TBKBP1: variants seen among roughly 807,000 people sequenced by gnomAD.
The protein encoded by TBKBP1 is TBK1 binding protein 1, also known as TANK-binding kinase 1-binding protein 1.
TBKBP1 carries 47 observed loss-of-function variants against 69.9 expected under a neutral mutation model. The ratio of observed to expected loss-of-function variants is 0.67; its 90% CI spans 0.53 to 0.86. The LOEUF (loss-of-function observed/expected upper bound fraction) is 0.86. Ranked by LOEUF, TBKBP1 falls within the 40% of genes least tolerant of loss-of-function variation. TBKBP1 has a pLI of 0.00. For missense variants in TBKBP1, 831 were observed against 858.6 expected (o/e 0.97, Z 0.40); for synonymous variants, 418 against 390.3 (o/e 1.07, Z -0.84).
At chr17:47,706,787 A>G (rs1475468137) in intron 7 of TBKBP1, among the ~76,000 whole-genome samples, 1 of 149,428 alleles carries the variant, frequency 6.7e-6, no homozygotes, top group Non-Finnish European at 1.5e-5. Flanking sequence ...CTGAAGCCCT[A>G]ACCTCACGAC....
rs2031893745 is a variant in TBKBP1 at position 47,710,661 on chromosome 17, C to T, written c.*35C>T. On this transcript the variant is annotated 3_prime_UTR_variant, in exon 10 of 10. Transcript: ENST00000578982. ...CCCACCCACTGGCTGTTTCTCCGTC[C>T]TCTCCTATCACCCCCAAACACTCAC... 1.3e-6 allele frequency: 2 copies of T among 1,582,854 alleles called. No individual in the cohort carries two copies. Among genetic ancestry groups the T allele is most frequent in the Non-Finnish European group, 1.7e-6 (2 of 1,155,582 alleles).
At chr17:47,694,246 G>A (rs1171712276) in intron 1 of TBKBP1, 52 bp downstream of exon 1, 1 of 150,678 alleles carries the variant, frequency 6.6e-6, no homozygotes, top group Non-Finnish European at 1.5e-5. Context: ...CGCCCGGGCT[G>A]GGCCCCAGGG....
rs1318069173 is a variant in TBKBP1, at chr17:47,710,709, T to C, written c.*83T>C. ...CACTTTGAATGCTGCATGAATCTCG[T>C]GGGGGGTCCCTGCCCTTGCGACCCC... On this transcript the variant is annotated 3_prime_UTR_variant, in exon 10 of 10. Transcript: ENST00000578982. 6.5e-7 allele frequency: 1 copy of C among 1,529,444 alleles called. No homozygotes were observed. The highest frequency in any genetic ancestry group is 8.9e-7 in the Non-Finnish European group (1 of 1,128,946). 94.7% of individuals were successfully genotyped at this position (1,529,444 alleles called of 1,614,324 possible).
At chr17:47,694,254 G>A (rs1006253813) in intron 1 of TBKBP1, 60 bp downstream of exon 1, 1 of 150,124 alleles carries the variant, frequency 6.7e-6, no homozygotes, top group East Asian at 2.0e-4. Context: ...CTGGGCCCCA[G>A]GGGTCGCGGG....
At position 47,709,156 on chromosome 17, in the gene TBKBP1, T is replaced by TCC; in HGVS notation, c.1426_1427dup (p.Pro477ArgfsTer100). The TCC allele has an allele frequency of 1.4e-6, 2 of 1,421,226 alleles. No individual in the cohort carries two copies. Among genetic ancestry groups the TCC allele is most frequent in the Non-Finnish European group, 1.8e-6 (2 of 1,096,430 alleles). 88.0% of individuals were successfully genotyped at this position (1,421,226 alleles called of 1,614,324 possible). On this transcript the variant is annotated frameshift_variant, in exon 9 of 10. Transcript: ENST00000578982. LOFTEE classifies it high-confidence loss of function. ...GGAGGGCGCGGCCTACGCGGGCGCC[T>TCC]CCCCGCCCTGGCTGCAGGCCGAAGC...
intron 7 of TBKBP1, among the ~76,000 whole-genome samples, chr17:47,706,264 C>T (rs567612470): frequency 2.6e-4 from 39 of 152,154 alleles, no homozygotes; most frequent in Non-Finnish European, 4.4e-4. Flanking sequence ...GGAGATAGCA[C>T]GATCCTGCCC....
At position 47,708,903 on chromosome 17, in the gene TBKBP1, C is replaced by T; in HGVS notation, c.1170C>T (p.Ser390=). ...PQQRRSPASP[S]CPSPVPQRRS... is the part of the protein sequence containing the mutation. ...AGCGCCGCTCTCCGGCCTCACCCTC[C>T]TGCCCGTCGCCCGTCCCGCAGCGCC... is the stretch of plus-strand genomic sequence containing the variant. The change falls in exon 9 of 10, where the codon TCC becomes TCT. Residue 390 remains serine (S), a synonymous_variant. Transcript: ENST00000578982. This position sits in a 1 kb window ranked among gnomAD's most constrained non-coding sequence, Gnocchi z 4.4. The T allele has an allele frequency of 7.2e-6, 10 of 1,387,940 alleles. No individual in the cohort carries two copies. The highest frequency in any genetic ancestry group is 7.5e-6 in the Non-Finnish European group (8 of 1,071,818). The allele number at this position is 1,387,940 out of a possible 1,614,324, so 86.0% of individuals were successfully genotyped here.
chr17:47,709,115 G>A lies in TBKBP1; in HGVS notation c.1382G>A (p.Ser461Asn). Residue 461 changes from serine (S) to asparagine (N), a missense_variant, in exon 9 of 10, where the codon AGC becomes AAC. Physicochemically the swap from Ser to Asn is conservative, Grantham distance 46. Coordinates refer to ENST00000578982, the MANE Select transcript of TBKBP1 (RefSeq NM_001394755.1). ...AAGGCCGGCTTCCAGGGCCGCCGCAGCTACTCTGAGCTGGCGGAGGGCGCG... is the reference window on the plus strand; with the variant it reads ...AAGGCCGGCTTCCAGGGCCGCCGCAACTACTCTGAGCTGGCGGAGGGCGCG... ...HVKAGFQGRR[S>N]YSELAEGAAY... The A allele has an allele frequency of 7.3e-7, 1 of 1,370,016 alleles. No homozygotes were observed. The highest frequency in any genetic ancestry group is 3.3e-5 in the East Asian group (1 of 30,760). The allele number at this position is 1,370,016 out of a possible 1,614,324, so 84.9% of individuals were successfully genotyped here.
chr17:47,708,020 C>T lies in TBKBP1; in HGVS notation c.873-374C>T, dbSNP rs2031755593. Among the ~76,000 whole-genome samples, 1 of 152,212 alleles carries T rather than the reference C, an allele frequency of 6.6e-6. No homozygotes were observed. The highest frequency in any genetic ancestry group is 6.5e-5 in the Admixed American group (1 of 15,290). ...ATGAATCGGTGCTTTAATTCATCAT[C>T]ACAGCTTTTGCACAGATTAGAAAAA... On this transcript the variant is annotated intron_variant, in intron 7 of 9. Transcript: ENST00000578982. The surrounding 1 kb of genome is among the most constrained non-coding windows in gnomAD (Gnocchi z 4.4).
rs1366233149 is a variant in TBKBP1, at chr17:47,711,553, GAACGGGCCCAGGGTGCTGTGGA to G, written c.*928_*949del. The G allele has an allele frequency of 6.6e-6, 1 of 152,650 alleles. No individual in the cohort carries two copies. The highest frequency in any genetic ancestry group is 2.1e-4 in the South Asian group (1 of 4,838). The allele number at this position is 152,650 out of a possible 1,614,324, so 9.5% of individuals were successfully genotyped here. ...CCCTGCCTCCCAGGCCAGAACCTGA[GAACGGGCCCAGGGTGCTGTGGA>G]GATCAACTTCAAAAGAGCTAACCCC... On this transcript the variant is annotated 3_prime_UTR_variant, in exon 10 of 10. Transcript: ENST00000578982.
intron 1 of TBKBP1, 114 bp from the exon 2 acceptor site, chr17:47,695,965 G>A: frequency 1.6e-6 from 1 of 626,174 alleles, no homozygotes; most frequent in Non-Finnish European, 2.8e-6. Context: ...CTCGGGGCAG[G>A]AAGTTTCTGG....
rs574060396 is a variant in TBKBP1 at position 47,710,572 on chromosome 17, G to A, written c.1794G>A (p.Pro598=). Residue 598 remains proline, a synonymous_variant, in exon 10 of 10, where the codon CCG becomes CCA. Coordinates refer to ENST00000578982, the MANE Select transcript of TBKBP1 (RefSeq NM_001394755.1). Reference sequence around the variant, plus strand: ...AGCTGGGTTTCCCTGTCGGGTACCCGGATGATGCCCTCATCAAACACATTG... The same window carrying A: ...AGCTGGGTTTCCCTGTCGGGTACCCAGATGATGCCCTCATCAAACACATTG... ...LCQLGFPVGY[P]DDALIKHIDS... is the part of the protein sequence containing the mutation. 13 of 1,612,420 alleles carry A rather than the reference G, an allele frequency of 8.1e-6. No homozygotes were observed. Among genetic ancestry groups the A allele is most frequent in the South Asian group, 5.5e-5 (5 of 91,072 alleles).
intron 7 of TBKBP1, 93 bp downstream of exon 7, chr17:47,699,790 C>CT: frequency 7.2e-7 from 1 of 1,398,530 alleles, no homozygotes; most frequent in Non-Finnish European, 1.0e-6. Context: ...TGCTGTTGCT[C>CT]TGTGTGCATC....
In TBKBP1 at chr17:47,709,306, G is replaced by C. The variant is rs1363248497; in HGVS notation, c.1573G>C (p.Glu525Gln). 6.5e-7 allele frequency: 1 copy of C among 1,529,470 alleles called. No individual in the cohort carries two copies. Among genetic ancestry groups the C allele is most frequent in the Non-Finnish European group, 8.7e-7 (1 of 1,145,644 alleles). The allele number at this position is 1,529,470 out of a possible 1,614,324, so 94.7% of individuals were successfully genotyped here. A position where few individuals can be genotyped will look rare whatever the true frequency, so the allele number is the denominator to read the frequency against. The change falls in exon 9 of 10, where the codon GAG (glutamate) becomes CAG (glutamine). Residue 525 changes from glutamate (E) to glutamine (Q), a missense_variant. Transcript: ENST00000578982. Reference protein sequence around the residue: ...RFEKQPSEEDEWAVPTSPPSP... With the variant: ...RFEKQPSEEDQWAVPTSPPSP... ...CGAGAAGCAGCCGTCGGAGGAGGAC[G>C]AGTGGGCTGTGCCCACCAGCCCGCC...
chr17:47,698,212 A>G (rs1313711541), intron 4 of TBKBP1, among the ~76,000 whole-genome samples: 2 of 152,148 alleles, frequency 1.3e-5, no homozygotes, highest in Admixed American at 6.6e-5. Flanking sequence ...TTAATTCTCA[A>G]AACAACCCTA....
rs771249330 is a variant in TBKBP1 at position 47,699,689 on chromosome 17, G to A, written c.864G>A (p.Gly288=). The A allele has an allele frequency of 1.2e-6, 2 of 1,613,864 alleles. No individual in the cohort carries two copies. Among genetic ancestry groups the A allele is most frequent in the Non-Finnish European group, 1.7e-6 (2 of 1,179,890 alleles). Residue 288 remains glycine (G), a synonymous_variant, in exon 7 of 10, where the codon GGG becomes GGA. Coordinates refer to ENST00000578982, the MANE Select transcript of TBKBP1 (RefSeq NM_001394755.1). ...ACATGGCGTGGGTGAAAAGAGTTGG[G>A]GATGATCAGTAAGTCACATTGGTAA... The part of the protein sequence containing the change: ...ERDMAWVKRV[G]DDQVNLALAY...
In TBKBP1 at chr17:47,709,001, C is replaced by A; in HGVS notation, c.1268C>A (p.Ala423Asp). ...TCCCCGGTGCCCCCCAGCTGCCCGG[C>A]CCCGCAGCCCCGGCCACCGCCGCCG... The part of the protein sequence containing the change: ...RRSPVPPSCP[A>D]PQPRPPPPPP... Residue 423 changes from alanine (A) to aspartate (D), a missense_variant, in exon 9 of 10, where the codon GCC (alanine) becomes GAC (aspartate). Physicochemically the swap from Ala to Asp is moderately radical, Grantham distance 126. Coordinates refer to ENST00000578982, the MANE Select transcript of TBKBP1 (RefSeq NM_001394755.1). The A allele has an allele frequency of 1.8e-6, 2 of 1,139,428 alleles. No individual in the cohort carries two copies. Among genetic ancestry groups the A allele is most frequent in the Non-Finnish European group, 2.2e-6 (2 of 928,526 alleles). 70.6% of individuals were successfully genotyped at this position (1,139,428 alleles called of 1,614,324 possible). A position where few individuals can be genotyped will look rare whatever the true frequency, so the allele number is the denominator to read the frequency against.
Position 47,710,515 on chromosome 17 carries a change from G to A in TBKBP1, c.1737G>A (p.Val579=), listed in dbSNP as rs1303465476. 1 of 1,610,732 alleles carries A rather than the reference G, an allele frequency of 6.2e-7. No individual in the cohort carries two copies. The highest frequency in any genetic ancestry group is 2.2e-5 in the East Asian group (1 of 44,786). Reference sequence around the variant, plus strand: ...CTCGACAGTTGCTGATGGAGACGGTGGGCTCCGACATCCGCAGCTGCCCCC... The same window carrying A: ...CTCGACAGTTGCTGATGGAGACGGTAGGCTCCGACATCCGCAGCTGCCCCC... ...WPSINLLMET[V]GSDIRSCPLC... The change falls in exon 10 of 10, where the codon GTG becomes GTA. Residue 579 remains valine (V), a synonymous_variant. Coordinates refer to ENST00000578982, the MANE Select transcript of TBKBP1 (RefSeq NM_001394755.1).
intron 1 of TBKBP1, among the ~76,000 whole-genome samples, chr17:47,694,954 G>A (rs994440315): frequency 6.6e-6 from 1 of 151,572 alleles, no homozygotes; most frequent in Non-Finnish European, 1.5e-5. Context: ...CCTGCAGCCC[G>A]ACCTGGGGGC....
Sources: gnomAD v4.1 joint callset for allele counts (sites outside exome capture counted in the v4.1 genomes callset) on GRCh38, gnomAD v4.1.1 for gene constraint, Gnocchi (gnomAD v3.1) non-coding constraint, MANE v1.5 for transcripts, NCBI Gene and HGNC (gene_info 2026-07-23, HGNC 2026-07-21) for gene names.